The following TRMT13 variants were observed in gnomAD, a reference collection of about 807,000 sequenced individuals.
TRMT13 encodes the protein tRNA methyltransferase 13.
In TRMT13, 45 loss-of-function variants were observed where a neutral mutation model predicts 55.9. That is an observed-to-expected ratio of 0.80 (90% CI 0.63 to 1.03). The LOEUF (loss-of-function observed/expected upper bound fraction) is 1.03, where lower values mean the gene tolerates loss of function less well. TRMT13 is among the 50% of genes least tolerant of loss of function. The pLI is 0.00. For synonymous variants in TRMT13, 183 were observed against 196.3 expected (o/e 0.93, Z 0.57); for missense variants, 513 against 563.9 (o/e 0.91, Z 0.91).
intron 7 of TRMT13, among the ~76,000 whole-genome samples, chr1:100,142,680 A>G (rs1570741838): frequency 6.6e-6 from 1 of 152,304 alleles, no homozygotes; most frequent in East Asian, 1.9e-4. Context: ...TCTAGTTCAC[A>G]ATTGAGTATG....
At position 100,136,923 on chromosome 1, in the gene TRMT13, A is replaced by G. The variant is rs764313406; in HGVS notation, c.189A>G (p.Pro63=). 3.7e-6 allele frequency: 6 copies of G among 1,604,704 alleles called. No homozygotes were observed. The highest frequency in any genetic ancestry group is 5.1e-6 in the Non-Finnish European group (6 of 1,177,120). The change falls in exon 2 of 11, where the codon CCA becomes CCG. Residue 63 remains proline (P), a synonymous_variant. Coordinates refer to ENST00000370141, the MANE Select transcript of TRMT13 (RefSeq NM_019083.3). ...AAAGAATCCTGTGTCCTTTAGATCC[A>G]AAACAGTAAGTGTGGATCAGATACG... ...ARKRILCPLD[P]KHTVYEDQLA...
rs1199217310 is a variant in TRMT13 at position 100,148,596 on chromosome 1, A to G, written c.1251-29A>G. ...TTATAAACTTTTGCAAAATTTTAAC[A>G]ATGTTTTGTGTGTGTTTATTCAATT... On this transcript the variant is annotated intron_variant, in intron 10 of 10. Transcript: ENST00000370141. 2.5e-6 allele frequency: 4 copies of G among 1,575,586 alleles called. No homozygotes were observed. In the African/African-American group the frequency reaches 5.5e-5, roughly 22 times the overall value.
rs758820755 is a variant in TRMT13, at chr1:100,143,152, A to G, written c.685A>G (p.Arg229Gly). The G allele has an allele frequency of 1.7e-5, 28 of 1,609,388 alleles. No homozygotes were observed. The highest frequency in any genetic ancestry group is 2.2e-5 in the South Asian group (2 of 90,674). ...GTTTGTGCAGGTGGATGGAAAACAC[A>G]GAAAGAAAAATTCAGTGTTTGAAAG... ...TTRFKVDGKH[R>G]KKNSVFERLQ... is the part of the protein sequence containing the mutation. Residue 229 changes from arginine (R) to glycine (G), a missense_variant, in exon 8 of 11, where the codon AGA becomes GGA. Coordinates refer to ENST00000370141, the MANE Select transcript of TRMT13 (RefSeq NM_019083.3).
chr1:100,148,223 T>C lies in TRMT13; in HGVS notation c.1147T>C (p.Ser383Pro), dbSNP rs781070282. 6.2e-7 allele frequency: 1 copy of C among 1,613,998 alleles called. No individual in the cohort carries two copies. Among genetic ancestry groups the C allele is most frequent in the African/African-American group, 1.3e-5 (1 of 74,874 alleles). Residue 383 changes from serine (S) to proline (P), a missense_variant, in exon 10 of 11, where the codon TCA becomes CCA. This residue lies in a region of TRMT13 where 209 missense variants were observed against 255.8 expected (regional missense o/e 0.82). Transcript: ENST00000370141. ...CGMRKTSLET[S>P]NSTTKRQDNQ... ...GATGCGGAAAACATCTTTGGAAACCTCAAATAGTACCACAAAGAGGCAAGA... is the reference window on the plus strand; with the variant it reads ...GATGCGGAAAACATCTTTGGAAACCCCAAATAGTACCACAAAGAGGCAAGA...
chr1:100,140,618 G>A, intron 6 of TRMT13, 104 bp downstream of exon 6: 3 of 989,048 alleles, frequency 3.0e-6, no homozygotes, highest in Non-Finnish European at 4.5e-6. Context: ...ACCTTTGAGG[G>A]TACCAAATAT....
intron 1 of TRMT13, among the ~76,000 whole-genome samples, chr1:100,135,809 T>C (rs1461526113): frequency 1.3e-5 from 2 of 152,226 alleles, no homozygotes; most frequent in African/African-American, 2.4e-5. Context: ...TCCCAGTTCA[T>C]ATAGTCATGT....
rs149845319 is a variant in TRMT13, at chr1:100,133,198, G to C, written c.30G>C (p.Ala10=). 8.7e-6 allele frequency: 14 copies of C among 1,614,168 alleles called. No homozygotes were observed. The East Asian group carries it at 8.9e-5, about 10-fold the overall frequency. MATSATSPH[A]PGFPAEGRCG... is the part of the protein sequence containing the mutation. ...CGACCTCCGCGACGTCGCCGCACGC[G>C]CCTGGTTTTCCAGCTGAGGGTAGAT... The change falls in exon 1 of 11, where the codon GCG becomes GCC. Residue 10 remains alanine, a synonymous_variant. Transcript: ENST00000370141.
chr1:100,137,417 C>T (rs141911332), intron 3 of TRMT13, among the ~76,000 whole-genome samples: 4 of 152,120 alleles, frequency 2.6e-5, no homozygotes, highest in Non-Finnish European at 4.4e-5. Context: ...AGGCTGGTCT[C>T]GAACTGCTGG....
At chr1:100,141,766 G>A (rs954956175) in intron 7 of TRMT13, among the ~76,000 whole-genome samples, 3 of 152,250 alleles carry the variant, frequency 2.0e-5, no homozygotes, top group African/African-American at 7.2e-5. Flanking sequence ...CTATTGCAGG[G>A]AAGAGATGGA....
chr1:100,143,319 A>G, intron 8 of TRMT13, 110 bp downstream of exon 8: 1 of 589,492 alleles, frequency 1.7e-6, no homozygotes, highest in East Asian at 2.9e-5. Context: ...AAAACAGTCA[A>G]ATCAATTCAT....
At chr1:100,136,764 T>G (rs897556085) in intron 1 of TRMT13, 118 bp from the exon 2 acceptor site, 124 of 972,274 alleles carry the variant, frequency 1.3e-4, no homozygotes, top group Non-Finnish European at 1.6e-4. Flanking sequence ...TTTCATTATG[T>G]CCTTGTAAGG....
intron 10 of TRMT13, 105 bp from the exon 11 acceptor site, chr1:100,148,520 C>A: frequency 8.8e-7 from 1 of 1,141,108 alleles, no homozygotes; most frequent in Non-Finnish European, 1.3e-6. Flanking sequence ...GTACTTAGTA[C>A]ATTATGGGTT....
rs757295252 is a variant in TRMT13 at position 100,137,012 on chromosome 1, A to G, written c.195-7A>G. The G allele has an allele frequency of 5.6e-6, 9 of 1,605,086 alleles. No homozygotes were observed. Among genetic ancestry groups the G allele is most frequent in the Admixed American group, 1.7e-5 (1 of 57,742 alleles). ...CTCATTTGAAATAATTTTCTCTTTA[A>G]ATTTAGCACAGTATATGAAGATCAA... is the stretch of plus-strand genomic sequence containing the variant. On this transcript the variant is annotated splice_region_variant and splice_polypyrimidine_tract_variant and intron_variant, in intron 2 of 10. Transcript: ENST00000370141.
At chr1:100,147,841 A>T (rs1454232967) in intron 9 of TRMT13, 53 bp from the exon 10 acceptor site, 1 of 1,492,308 alleles carries the variant, frequency 6.7e-7, no homozygotes, top group East Asian at 2.3e-5. Context: ...TGTAAAAAGT[A>T]TTTATTTTTA....
At position 100,143,157 on chromosome 1, in the gene TRMT13, G is replaced by GA. The variant is rs1656829217; in HGVS notation, c.695dup (p.Asn232LysfsTer5). ...TGCAGGTGGATGGAAAACACAGAAAGAAAAATTCAGTGTTTGAAAGACTTC... is the reference window on the plus strand; with the variant it reads ...TGCAGGTGGATGGAAAACACAGAAAGAAAAAATTCAGTGTTTGAAAGACTTC... On this transcript the variant is annotated frameshift_variant, in exon 8 of 11. Transcript: ENST00000370141. LOFTEE classifies it high-confidence loss of function. The GA allele has an allele frequency of 1.2e-6, 2 of 1,610,100 alleles. No homozygotes were observed. The highest frequency in any genetic ancestry group is 1.7e-6 in the Non-Finnish European group (2 of 1,177,586).
In TRMT13 at chr1:100,144,126, T is replaced by C; in HGVS notation, c.800T>C (p.Leu267Pro). ...CCTGTGGTAGGAATTGGAAAGCATC[T>C]GTGTGGTATGGCAACAGGTACGTAA... ...KLPVVGIGKHLCGMATDLALR... is the reference protein window; with the variant it reads ...KLPVVGIGKHPCGMATDLALR... Residue 267 changes from leucine to proline, a missense_variant, in exon 9 of 11, where the codon CTG becomes CCG. Physicochemically the swap from Leu to Pro is moderately conservative, Grantham distance 98. Transcript: ENST00000370141. 2 of 1,613,460 alleles carry C rather than the reference T, an allele frequency of 1.2e-6. No individual in the cohort carries two copies. Among genetic ancestry groups the C allele is most frequent in the Non-Finnish European group, 1.7e-6 (2 of 1,179,488 alleles).
chr1:100,140,656 A>G (rs1303223195), intron 6 of TRMT13, 142 bp downstream of exon 6: 23 of 847,732 alleles, frequency 2.7e-5, no homozygotes. Flanking sequence ...ATAGAAACAT[A>G]TACAAAAAAT....
chr1:100,136,308 T>C (rs936750015), intron 1 of TRMT13, among the ~76,000 whole-genome samples: 2 of 152,180 alleles, frequency 1.3e-5, no homozygotes, highest in African/African-American at 2.4e-5. Flanking sequence ...TTAAAATCCA[T>C]ATGTCAATGG....
In TRMT13 at chr1:100,149,318, A is replaced by G. The variant is rs1291766347; in HGVS notation, c.*498A>G. 3 of 1,539,852 alleles carry G rather than the reference A, an allele frequency of 1.9e-6. No individual in the cohort carries two copies. In the African/African-American group the frequency reaches 4.1e-5, roughly 21 times the overall value. The stretch of plus-strand genomic sequence containing the variant: ...ATTGTGATTTTCTCAAATGCAGACA[A>G]TTCAGAGATATTCACAATTAATAAA... On this transcript the variant is annotated 3_prime_UTR_variant, in exon 11 of 11. Coordinates refer to ENST00000370141, the MANE Select transcript of TRMT13 (RefSeq NM_019083.3).
Sources: allele counts gnomAD v4.1 joint callset (sites outside exome capture counted in the v4.1 genomes callset), GRCh38; gene constraint gnomAD v4.1.1; regional missense constraint gnomAD v4.1.1; transcripts MANE v1.5; gene names NCBI Gene and HGNC (gene_info 2026-07-23, HGNC 2026-07-21).